The following GRAMD4 variants were observed in gnomAD, a reference collection of about 807,000 sequenced individuals.
GRAMD4 encodes GRAM domain containing 4.
Under a neutral mutation model 83.9 loss-of-function variants are expected in GRAMD4, and 25 were observed. That is an observed-to-expected ratio of 0.30 (90% CI 0.22 to 0.42). The LOEUF is 0.42. Ranked by LOEUF, GRAMD4 falls within the 10% of genes least tolerant of loss-of-function variation. The pLI is 1.00. For missense variants in GRAMD4, 593 were observed against 788.7 expected (o/e 0.75, Z 2.97); for synonymous variants, 336 against 320.9 (o/e 1.05, Z -0.50).
intron 1 of GRAMD4, among the ~76,000 whole-genome samples, chr22:46,591,861 G>T (rs1333455608): frequency 7.6e-6 from 1 of 132,198 alleles, no homozygotes; most frequent in East Asian, 2.4e-4. Context: ...AACCCAGAAA[G>T]GCCAACCCCC....
rs2081455107 is a variant in GRAMD4 at position 46,614,819 on chromosome 22, TGTGCTTTATA to T, written c.-49-11930_-49-11921del. Among the ~76,000 whole-genome samples the T allele has an allele frequency of 5.1e-5, 3 of 58,700 alleles. No individual in the cohort carries two copies. The South Asian group carries it at 1.9e-3, about 37-fold the overall frequency. 38.5% of individuals were successfully genotyped at this position (58,700 alleles called of 152,430 possible). The stretch of plus-strand genomic sequence containing the variant: ...AGGTTCCCCCGTGTGTAGGTTCCCC[TGTGCTTTATA>T]GGTTCTCCTGTGCTTGTAGCTTCCC... On this transcript the variant is annotated intron_variant, in intron 1 of 1. Transcript: ENST00000431155.
chr22:46,614,176 C>T (rs575348875), intron 1 of GRAMD4, among the ~76,000 whole-genome samples: 1 of 152,242 alleles, frequency 6.6e-6, no homozygotes, highest in African/African-American at 2.4e-5. Context: ...TAGCATTTTA[C>T]TATTGCGTGT....
chr22:46,602,472 G>A (rs2081320806), intron 1 of GRAMD4, among the ~76,000 whole-genome samples: 1 of 152,162 alleles, frequency 6.6e-6, no homozygotes, highest in Non-Finnish European at 1.5e-5. Context: ...GGACCAGCCT[G>A]GGTAACATGG....
intron 1 of GRAMD4, among the ~76,000 whole-genome samples, chr22:46,590,564 C>T (rs1452662515): frequency 6.6e-6 from 1 of 152,148 alleles, no homozygotes; most frequent in African/African-American, 2.4e-5. Context: ...TCGTGACTGG[C>T]CTGGTTTGGT....
Position 46,585,347 on chromosome 22 carries a change from C to T in GRAMD4, c.-50+8057C>T, listed in dbSNP as rs923062552. On this transcript the variant is annotated intron_variant, in intron 1 of 1. Transcript: ENST00000431155. ...CTGGAACTACAGGCACGCACCACAACGCCCAGCTAATTTTGTATTTTTAGT... is the reference window on the plus strand; with the variant it reads ...CTGGAACTACAGGCACGCACCACAATGCCCAGCTAATTTTGTATTTTTAGT... Among the ~76,000 whole-genome samples the T allele has an allele frequency of 3.9e-5, 6 of 152,258 alleles. No individual in the cohort carries two copies. The East Asian group carries it at 7.7e-4, about 20-fold the overall frequency.
intron 18 of GRAMD4, 152 bp downstream of exon 18, chr22:46,676,820 C>T: frequency 2.7e-6 from 2 of 745,448 alleles, no homozygotes; most frequent in South Asian, 1.7e-5. Flanking sequence ...CAGCTAGAGC[C>T]TGGGGCTGCG....
At chr22:46,648,350 A>AG (rs1601629960) in intron 3 of GRAMD4, among the ~76,000 whole-genome samples, 1 of 147,970 alleles carries the variant, frequency 6.8e-6, no homozygotes, top group East Asian at 2.0e-4. Context: ...GGATGGATGG[A>AG]TGGATGGATG....
Position 46,677,394 on chromosome 22 carries a change from T to C in GRAMD4, c.*143T>C. On this transcript the variant is annotated 3_prime_UTR_variant, in exon 19 of 19. Coordinates refer to ENST00000406902, the MANE Select transcript of GRAMD4 (RefSeq NM_015124.5). ...TCCTGGACCTGTGGTTCTATTGTGTTGACCTCTGCGTTTTATCGACCAAGA... is the reference window on the plus strand; with the variant it reads ...TCCTGGACCTGTGGTTCTATTGTGTCGACCTCTGCGTTTTATCGACCAAGA... The C allele has an allele frequency of 1.4e-6, 2 of 1,401,534 alleles. No homozygotes were observed. The highest frequency in any genetic ancestry group is 1.9e-6 in the Non-Finnish European group (2 of 1,079,488). 86.8% of individuals were successfully genotyped at this position (1,401,534 alleles called of 1,614,324 possible).
intron 3 of GRAMD4, among the ~76,000 whole-genome samples, chr22:46,648,353 GATGGATGA>G (rs766655296): frequency 6.7e-4 from 101 of 149,732 alleles, no homozygotes; most frequent in African/African-American, 1.8e-3. Flanking sequence ...TGGATGGATG[GATGGATGA>G]ATGGGTGAGT....
At chr22:46,627,190 T>C (rs948524516) in intron 2 of GRAMD4, among the ~76,000 whole-genome samples, 18 of 152,138 alleles carry the variant, frequency 1.2e-4, no homozygotes, top group African/African-American at 4.3e-4. Flanking sequence ...GCTGGATTGG[T>C]TTTCCTCACT....
chr22:46,658,120 C>T, intron 3 of GRAMD4, 67 bp from the exon 4 acceptor site: 1 of 1,603,298 alleles, frequency 6.2e-7, no homozygotes, highest in Non-Finnish European at 8.5e-7. Context: ...CACCCCTGCC[C>T]CAGCATCCCA....
intron 2 of GRAMD4, among the ~76,000 whole-genome samples, chr22:46,633,397 G>A (rs1367495938): frequency 6.6e-6 from 1 of 152,238 alleles, no homozygotes; most frequent in Non-Finnish European, 1.5e-5. Flanking sequence ...CCTAATGAAG[G>A]TGGGGACTTG....
chr22:46,676,474 G>A (rs1248183771), intron 17 of GRAMD4, 126 bp from the exon 18 acceptor site: 2 of 740,176 alleles, frequency 2.7e-6, no homozygotes, highest in Non-Finnish European at 4.5e-6. Flanking sequence ...TTGTTTGGAA[G>A]TCCCAGGTGC....
intron 1 of GRAMD4, among the ~76,000 whole-genome samples, chr22:46,599,206 G>A (rs1169694197): frequency 6.6e-6 from 1 of 151,774 alleles, no homozygotes; most frequent in Non-Finnish European, 1.5e-5. Context: ...CACCCTGGGC[G>A]CAGACAGGGC....
chr22:46,593,901 T>G (rs1014619024), intron 1 of GRAMD4, among the ~76,000 whole-genome samples: 8 of 151,768 alleles, frequency 5.3e-5, no homozygotes, highest in African/African-American at 1.9e-4. Context: ...TTTTTGTATT[T>G]TTTTAGTAGA....
intron 3 of GRAMD4, among the ~76,000 whole-genome samples, chr22:46,644,287 C>A (rs1431242754): frequency 2.0e-5 from 3 of 152,084 alleles, no homozygotes; most frequent in Non-Finnish European, 2.9e-5. Flanking sequence ...TTCCATGTTA[C>A]ACCTGTCCCT....
rs560787331 is a variant in GRAMD4, at chr22:46,623,470, C to A, written c.-50+2905C>A. On this transcript the variant is annotated intron_variant, in intron 1 of 18. Coordinates refer to ENST00000406902, the MANE Select transcript of GRAMD4 (RefSeq NM_015124.5). ...TGGTGCAGTCTCGGCTCATTGCAAG[C>A]TCCGCCTCCCGGGTTCATGCCATTC... Among the ~76,000 whole-genome samples the A allele has an allele frequency of 7.9e-5, 12 of 152,246 alleles. 1 individual carries two copies. In the South Asian group the frequency reaches 2.5e-3, roughly 32 times the overall value.
chr22:46,650,315 AGGCTGGGTGGAGGGCTGCGTGTCG>A, intron 3 of GRAMD4, among the ~76,000 whole-genome samples: 1 of 126,180 alleles, frequency 7.9e-6, no homozygotes, highest in African/African-American at 3.4e-5. Flanking sequence ...CTGAGTGTCG[AGGCTGGGTGGAGGGCTGCGTGTCG>A]AGGCTGGGTG....
Position 46,644,697 on chromosome 22 carries a change from GTTTTTTTTTTTTTTTTTTTTT to G in GRAMD4, c.283+6754_283+6774del, listed in dbSNP as rs71192437. 7.7e-4 allele frequency among the ~76,000 whole-genome samples: 75 copies of G among 97,368 alleles called. 1 individual carries two copies. Among genetic ancestry groups the G allele is most frequent in the African/African-American group, 2.4e-3 (61 of 24,980 alleles). 63.9% of individuals were successfully genotyped at this position (97,368 alleles called of 152,430 possible). On this transcript the variant is annotated intron_variant, in intron 3 of 18. Coordinates refer to ENST00000406902, the MANE Select transcript of GRAMD4 (RefSeq NM_015124.5). ...TCATCCACTTGTCCACTTGTTCCCTGTTTTTTTTTTTTTTTTTTTTTTTTTTTTTTTTTTTTTACTTTGTTT... is the reference window on the plus strand; with the variant it reads ...TCATCCACTTGTCCACTTGTTCCCTGTTTTTTTTTTTTTTTTACTTTGTTT...
Sources: allele counts gnomAD v4.1 joint callset (sites outside exome capture counted in the v4.1 genomes callset), GRCh38; gene constraint gnomAD v4.1.1; transcripts MANE v1.5; gene names NCBI Gene and HGNC (gene_info 2026-07-23, HGNC 2026-07-21).